The following ACOT11 variants were observed in gnomAD, a reference collection of about 807,000 sequenced individuals.
ACOT11 encodes acyl-coenzyme A thioesterase 11.
A neutral mutation model predicts 77.5 loss-of-function variants in ACOT11; 69 were observed. The observed-to-expected ratio is 0.89, with a 90% CI of 0.73 to 1.09. The LOEUF is 1.09. Among genes scored for constraint, ACOT11 ranks in the 50% least tolerant of loss-of-function variants. The pLI is 0.00. For synonymous variants in ACOT11, 279 were observed against 313.0 expected (o/e 0.89, Z 1.15); for missense variants, 766 against 813.7 (o/e 0.94, Z 0.71).
chr1:54,610,162 C>G lies in ACOT11; in HGVS notation c.*1050C>G. On this transcript the variant is annotated 3_prime_UTR_variant, in exon 16 of 16. Coordinates refer to ENST00000343744, the MANE Select transcript of ACOT11 (RefSeq NM_147161.4). ...CAGCTCTTGGCCTTTACCCATGACT[C>G]AGCCTGGGGGCTGGTGCCGGCCTTG... is the stretch of plus-strand genomic sequence containing the variant. The G allele has an allele frequency of 7.0e-7, 1 of 1,432,874 alleles. No homozygotes were observed. Among genetic ancestry groups the G allele is most frequent in the Non-Finnish European group, 9.1e-7 (1 of 1,099,084 alleles). The allele number at this position is 1,432,874 out of a possible 1,614,324, so 88.8% of individuals were successfully genotyped here.
chr1:54,620,427 C>T (rs555891751), intron 15 of ACOT11, among the ~76,000 whole-genome samples: 34 of 152,226 alleles, frequency 2.2e-4, no homozygotes, highest in Admixed American at 1.2e-3. Flanking sequence ...AAGAGGGGGC[C>T]GGGCATGGTG....
In ACOT11 at chr1:54,616,023, T is replaced by C. The variant is rs1261251855; in HGVS notation, c.1629+7955T>C. 5 of 1,613,518 alleles carry C rather than the reference T, an allele frequency of 3.1e-6. No individual in the cohort carries two copies. The highest frequency in any genetic ancestry group is 3.3e-5 in the Admixed American group (2 of 59,990). On this transcript the variant is annotated intron_variant, in intron 15 of 16. Transcript: ENST00000371316. Reference sequence around the variant, plus strand: ...GGGTTTCCAGAGAGGCCCTTACCCTTTTGGGAAGAGCCCAGCACAGCGTCC... The same window carrying C: ...GGGTTTCCAGAGAGGCCCTTACCCTCTTGGGAAGAGCCCAGCACAGCGTCC...
chr1:54,621,184 C>T (rs188121260), intron 15 of ACOT11, among the ~76,000 whole-genome samples: 1,716 of 148,860 alleles, frequency 0.012, 31 homozygotes, highest in African/African-American at 0.04. Flanking sequence ...AACCTGCGCG[C>T]GGCGGCTGAC....
intron 10 of ACOT11, among the ~76,000 whole-genome samples, chr1:54,603,265 G>T (rs1350486654): frequency 6.6e-6 from 1 of 152,188 alleles, no homozygotes; most frequent in African/African-American, 2.4e-5. Flanking sequence ...CAAGAGAATC[G>T]CTTGAACCGG....
At chr1:54,557,682 T>C (rs1653310956) in intron 1 of ACOT11, among the ~76,000 whole-genome samples, 1 of 152,192 alleles carries the variant, frequency 6.6e-6, no homozygotes, top group African/African-American at 2.4e-5. Flanking sequence ...TTAGATAGTT[T>C]GCTATTAGTA....
At chr1:54,635,848 T>G (rs1644327740) in exon 17 of ACOT11, 2 of 153,034 alleles carry the variant, frequency 1.3e-5, no homozygotes, top group Non-Finnish European at 2.9e-5. Flanking sequence ...AAGCAAAACC[T>G]CTGCAGCACT....
At chr1:54,573,852 A>T (rs1654007367) in intron 1 of ACOT11, among the ~76,000 whole-genome samples, 1 of 152,108 alleles carries the variant, frequency 6.6e-6, no homozygotes, top group African/African-American at 2.4e-5. Flanking sequence ...GAACATGGTG[A>T]AAACCCGTCT....
chr1:54,582,391 C>A, intron 1 of ACOT11: 1 of 971,002 alleles, frequency 1.0e-6, no homozygotes, highest in Non-Finnish European at 1.2e-6. Flanking sequence ...TGTGCCAGGC[C>A]CCTCTAGGCC....
intron 1 of ACOT11, 36 bp downstream of exon 1, chr1:54,548,378 G>A (rs1247867383): frequency 1.3e-6 from 2 of 1,589,128 alleles, no homozygotes; most frequent in Non-Finnish European, 1.7e-6. Flanking sequence ...GGAGGGCTCT[G>A]GAAGCTGGGC....
In ACOT11 at chr1:54,616,167, T is replaced by C. The variant is rs201533192; in HGVS notation, c.1629+8099T>C. On this transcript the variant is annotated intron_variant, in intron 15 of 16. Coordinates refer to the ACOT11 transcript ENST00000371316. Reference sequence around the variant, plus strand: ...TTGACGTCAGCCTCCAGGACTGTGATGTTGCCTGTGGAAGGGGCAACAACT... The same window carrying C: ...TTGACGTCAGCCTCCAGGACTGTGACGTTGCCTGTGGAAGGGGCAACAACT... The C allele has an allele frequency of 4.3e-4, 700 of 1,613,474 alleles. 3 individuals are homozygous for C. The highest frequency in any genetic ancestry group is 3.1e-3 in the Middle Eastern group (19 of 6,054).
chr1:54,624,249 G>A (rs75647110), intron 15 of ACOT11, among the ~76,000 whole-genome samples: 2,198 of 152,276 alleles, frequency 0.014, 39 homozygotes, highest in East Asian at 0.039. Context: ...AGAGAGATCT[G>A]GAATGTGAGG....
At position 54,607,887 on chromosome 1, in the gene ACOT11, C is replaced by T; in HGVS notation, c.1503-55C>T. The stretch of plus-strand genomic sequence containing the variant: ...TCGGCCTTGGTTGGGCAGAACAGGC[C>T]CCCACTTTCTTCTGTGGCTGACCCC... On this transcript the variant is annotated intron_variant, in intron 14 of 15. Transcript: ENST00000343744. The surrounding 1 kb of genome is among the most constrained non-coding windows in gnomAD (Gnocchi z 4.5). 3 of 1,607,792 alleles carry T rather than the reference C, an allele frequency of 1.9e-6. No individual in the cohort carries two copies. The highest frequency in any genetic ancestry group is 1.1e-5 in the South Asian group (1 of 90,740).
intron 15 of ACOT11, chr1:54,623,265 G>C: frequency 6.3e-7 from 1 of 1,594,106 alleles, no homozygotes; most frequent in South Asian, 1.1e-5. Context: ...ATGACATGGG[G>C]GGAGGCACCT....
chr1:54,630,407 G>C (rs1363418200), intron 15 of ACOT11, among the ~76,000 whole-genome samples: 1 of 152,194 alleles, frequency 6.6e-6, no homozygotes, highest in Non-Finnish European at 1.5e-5. Flanking sequence ...GAAGGTTGTG[G>C]GTTTACGGGA....
intron 1 of ACOT11, among the ~76,000 whole-genome samples, chr1:54,583,844 A>AT (rs1214308167): frequency 6.6e-6 from 1 of 152,184 alleles, no homozygotes; most frequent in African/African-American, 2.4e-5. Flanking sequence ...TTTCTCACAC[A>AT]TGCAGGTGTG....
intron 1 of ACOT11, chr1:54,573,298 C>T (rs1477877857): frequency 5.3e-6 from 5 of 942,344 alleles, no homozygotes; most frequent in Middle Eastern, 5.4e-4. Context: ...CAGCTCTGCC[C>T]TTTCCTGGCT....
chr1:54,612,560 G>A (rs1644130236), downstream of ACOT11: 1 of 1,614,076 alleles, frequency 6.2e-7, no homozygotes, highest in East Asian at 2.2e-5. Flanking sequence ...CAGGGAAGGT[G>A]ACCCTCTGGG....
chr1:54,585,485 G>A (rs1422316604), intron 2 of ACOT11, among the ~76,000 whole-genome samples: 1 of 152,212 alleles, frequency 6.6e-6, no homozygotes, highest in East Asian at 1.9e-4. Context: ...AAGCAGGCCA[G>A]TGTGGTGTGA....
chr1:54,624,501 C>G (rs756142416), intron 15 of ACOT11, among the ~76,000 whole-genome samples: 5 of 152,020 alleles, frequency 3.3e-5, no homozygotes, highest in Non-Finnish European at 7.4e-5. Context: ...AGATCAGGGC[C>G]AAAGACAAGG....
Sources: gnomAD v4.1 joint callset for allele counts (sites outside exome capture counted in the v4.1 genomes callset) on GRCh38, gnomAD v4.1.1 for gene constraint, Gnocchi (gnomAD v3.1) non-coding constraint, MANE v1.5 for transcripts, NCBI Gene and HGNC (gene_info 2026-07-23, HGNC 2026-07-21) for gene names.